MYO10: variants seen among roughly 807,000 people sequenced by gnomAD.
MYO10 encodes unconventional myosin-X.
A neutral mutation model predicts 257.3 loss-of-function variants in MYO10; 133 were observed. The observed-to-expected ratio is 0.52, with a 90% CI of 0.45 to 0.60. MYO10 has a LOEUF of 0.60. Ranked by LOEUF, MYO10 falls within the 20% of genes least tolerant of loss-of-function variation. The pLI is 0.00. For missense variants in MYO10, 2,399 were observed against 2,635.7 expected (o/e 0.91, Z 1.97); for synonymous variants, 1,104 against 1,028.6 (o/e 1.07, Z -1.40).
At chr5:16,927,305 T>C (rs1746162380) in intron 1 of MYO10, among the ~76,000 whole-genome samples, 1 of 152,008 alleles carries the variant, frequency 6.6e-6, no homozygotes, top group African/African-American at 2.4e-5. Flanking sequence ...CTGCTTATGG[T>C]ATTTTCTTTT....
intron 2 of MYO10, among the ~76,000 whole-genome samples, chr5:16,872,470 T>C (rs1744480459): frequency 6.6e-6 from 1 of 152,194 alleles, no homozygotes; most frequent in African/African-American, 2.4e-5. Flanking sequence ...GTGAATAAAC[T>C]TAACCCTAGT....
intron 19 of MYO10, among the ~76,000 whole-genome samples, chr5:16,716,571 T>A (rs978024778): frequency 8.1e-6 from 1 of 123,658 alleles, no homozygotes; most frequent in Admixed American, 8.0e-5. Flanking sequence ...AATCTGTGCT[T>A]ATTTAATGAA....
chr5:16,934,794 A>C (rs966141687), intron 1 of MYO10, among the ~76,000 whole-genome samples: 1 of 152,236 alleles, frequency 6.6e-6, no homozygotes, highest in African/African-American at 2.4e-5. Context: ...TTGAAATATT[A>C]TATCCAATTA....
intron 8 of MYO10, 62 bp from the exon 9 acceptor site, chr5:16,779,710 CA>C (rs1741341072): frequency 1.1e-6 from 1 of 939,472 alleles, no homozygotes; most frequent in Non-Finnish European, 1.6e-6. Flanking sequence ...TCAGAGTTTT[CA>C]CTCTGACTTT....
chr5:16,856,882 C>A (rs2126741585), intron 2 of MYO10, among the ~76,000 whole-genome samples: 2 of 152,252 alleles, frequency 1.3e-5, no homozygotes, highest in East Asian at 3.9e-4. Context: ...GTGGCATGGA[C>A]AATGGGATAA....
chr5:16,846,501 G>A lies in MYO10; in HGVS notation c.121-28334C>T, dbSNP rs117452047. On this transcript the variant is annotated intron_variant, in intron 2 of 40. Coordinates refer to ENST00000513610, the MANE Select transcript of MYO10 (RefSeq NM_012334.3). Reference sequence around the variant, plus strand: ...CAGATTTTGGTCACCATGAAAGAGCGCAGGCTTCACTGATTCACTTTCAAA... The same window carrying A: ...CAGATTTTGGTCACCATGAAAGAGCACAGGCTTCACTGATTCACTTTCAAA... Among the ~76,000 whole-genome samples, 30 of 152,282 alleles carry A rather than the reference G, an allele frequency of 2.0e-4. No homozygotes were observed. The East Asian group carries it at 3.7e-3, about 19-fold the overall frequency.
At chr5:16,872,859 C>A (rs777377523) in intron 2 of MYO10, among the ~76,000 whole-genome samples, 134 of 152,124 alleles carry the variant, frequency 8.8e-4, no homozygotes, top group Non-Finnish European at 1.4e-3. Context: ...AAAGACTGGC[C>A]CCCATGATTC....
intron 27 of MYO10, among the ~76,000 whole-genome samples, chr5:16,691,659 A>C: frequency 6.6e-6 from 1 of 151,362 alleles, no homozygotes; most frequent in East Asian, 2.0e-4. Flanking sequence ...ACATGGTGCC[A>C]CTGCACTCCA....
In MYO10 at chr5:16,701,570, A is replaced by G. The variant is rs1308059535; in HGVS notation, c.2825T>C (p.Leu942Pro). 1 of 1,613,574 alleles carries G rather than the reference A, an allele frequency of 6.2e-7. No individual in the cohort carries two copies. Among genetic ancestry groups the G allele is most frequent in the African/African-American group, 1.3e-5 (1 of 74,850 alleles). ...EEACRAAQEF[L>P]ESLNFDEIDE... Reference sequence around the variant, plus strand: ...GATCTCGTCGAAATTGAGGGACTCGAGGAACTCCTGGGCCGCCCTGCACGC... The same window carrying G: ...GATCTCGTCGAAATTGAGGGACTCGGGGAACTCCTGGGCCGCCCTGCACGC... The change falls in exon 25 of 41, where the codon CTC becomes CCC. Residue 942 changes from leucine (L) to proline (P), a missense_variant. Around this residue, in one of 3 missense-constraint regions of MYO10, gnomAD observed 1,820 missense variants for 1,939.4 expected, o/e 0.94. Coordinates refer to ENST00000513610, the MANE Select transcript of MYO10 (RefSeq NM_012334.3). This position sits in a 1 kb window ranked among gnomAD's most constrained non-coding sequence, Gnocchi z 8.1.
At chr5:16,924,423 T>C (rs1016592878) in intron 1 of MYO10, among the ~76,000 whole-genome samples, 12 of 152,154 alleles carry the variant, frequency 7.9e-5, no homozygotes, top group African/African-American at 2.9e-4. Flanking sequence ...TGACAGGGTC[T>C]CTCAGCTGCG....
intron 4 of MYO10, among the ~76,000 whole-genome samples, 171 bp downstream of exon 4, chr5:16,794,475 T>G (rs1741870150): frequency 6.6e-6 from 1 of 151,444 alleles, no homozygotes; most frequent in South Asian, 2.1e-4. Flanking sequence ...CTAAGTAAGC[T>G]CCTTCTGAAA....
At chr5:16,870,900 CA>C (rs891139713) in intron 2 of MYO10, among the ~76,000 whole-genome samples, 1 of 151,430 alleles carries the variant, frequency 6.6e-6, no homozygotes, top group Non-Finnish European at 1.5e-5. Flanking sequence ...CACACACACA[CA>C]AAAAAAATTC....
chr5:16,876,542 A>C (rs1329229581), intron 2 of MYO10, among the ~76,000 whole-genome samples: 4 of 151,792 alleles, frequency 2.6e-5, no homozygotes, highest in Non-Finnish European at 5.9e-5. Context: ...TATTTTCAAC[A>C]CTCTATTTGT....
At chr5:16,737,859 C>T (rs1739868345) in intron 19 of MYO10, among the ~76,000 whole-genome samples, 1 of 152,176 alleles carries the variant, frequency 6.6e-6, no homozygotes, top group Non-Finnish European at 1.5e-5. Context: ...AATGCCAGTA[C>T]TGCCGAGGCC....
chr5:16,890,673 C>T lies in MYO10; in HGVS notation c.22-12966G>A, dbSNP rs576916985. Among the ~76,000 whole-genome samples, 97 of 151,572 alleles carry T rather than the reference C, an allele frequency of 6.4e-4. 1 individual carries two copies. The highest frequency in any genetic ancestry group is 1.1e-3 in the African/African-American group (46 of 41,000). ...TGGCCAACACGGAGAAACCCTATCT[C>T]CACTAAAAATACAAAAATTAGCCAG... On this transcript the variant is annotated intron_variant, in intron 1 of 40. Transcript: ENST00000513610.
chr5:16,871,538 T>C (rs1034580973), intron 2 of MYO10, among the ~76,000 whole-genome samples: 8 of 151,642 alleles, frequency 5.3e-5, no homozygotes, highest in African/African-American at 1.9e-4. Flanking sequence ...GCCCAGGAAG[T>C]GGAGGCTACA....
At chr5:16,759,175 G>A (rs1040397000) in intron 17 of MYO10, among the ~76,000 whole-genome samples, 3 of 152,086 alleles carry the variant, frequency 2.0e-5, no homozygotes, top group Non-Finnish European at 2.9e-5. Flanking sequence ...CACCCGCCTC[G>A]GCCTCCCAAA....
chr5:16,693,363 C>G (rs1161833998), intron 27 of MYO10, among the ~76,000 whole-genome samples: 4 of 152,154 alleles, frequency 2.6e-5, no homozygotes, highest in Admixed American at 6.5e-5. Context: ...TGCTGTGAAC[C>G]CTTGCAGGAT....
intron 33 of MYO10, 25 bp downstream of exon 33, chr5:16,679,922 C>T (rs760083864): frequency 4.4e-6 from 7 of 1,609,148 alleles, no homozygotes; most frequent in Non-Finnish European, 5.9e-6. Flanking sequence ...TAATCACCCA[C>T]CTTGATGGGC....
Sources: allele counts gnomAD v4.1 joint callset (sites outside exome capture counted in the v4.1 genomes callset), GRCh38; gene constraint gnomAD v4.1.1; regional missense constraint gnomAD v4.1.1; non-coding constraint Gnocchi (gnomAD v3.1); transcripts MANE v1.5; gene names NCBI Gene and HGNC (gene_info 2026-07-23, HGNC 2026-07-21).